The following ALCAM variants were observed in gnomAD, a reference collection of about 807,000 sequenced individuals.
The protein encoded by ALCAM is CD166 antigen.
ALCAM carries 30 observed loss-of-function variants against 70.9 expected under a neutral mutation model. The observed-to-expected ratio is 0.42, with a 90% CI of 0.32 to 0.57. ALCAM has a LOEUF of 0.57. Among genes scored for constraint, ALCAM ranks in the 20% least tolerant of loss-of-function variants. The probability of loss-of-function intolerance (pLI) is 0.11; values close to 1 mark genes in which losing one functional copy is unlikely to be tolerated. For missense variants in ALCAM, 591 were observed against 695.1 expected (o/e 0.85, Z 1.68); for synonymous variants, 249 against 242.5 (o/e 1.03, Z -0.25).
At chr3:105,527,062 G>A (rs181988944) in intron 3 of ALCAM, among the ~76,000 whole-genome samples, 44 of 152,250 alleles carry the variant, frequency 2.9e-4, no homozygotes, top group Non-Finnish European at 5.7e-4. Context: ...TTCCTCATAT[G>A]CAAGAAATCA....
chr3:105,534,822 A>G lies in ALCAM; in HGVS notation c.707A>G (p.Glu236Gly). The change falls in exon 6 of 16, where the codon GAA becomes GGA. Residue 236 changes from glutamate to glycine, a missense_variant. Coordinates refer to ENST00000306107, the MANE Select transcript of ALCAM (RefSeq NM_001627.4). ...GPSGQKTIHS[E>G]QAVFDIYYPT... is the part of the protein sequence containing the mutation. ...TCTGGCCAGAAAACAATTCATTCTGAACAGGCAGTATTTGATATTTACTGT... is the reference window on the plus strand; with the variant it reads ...TCTGGCCAGAAAACAATTCATTCTGGACAGGCAGTATTTGATATTTACTGT... The G allele has an allele frequency of 6.2e-7, 1 of 1,613,264 alleles. No individual in the cohort carries two copies. Among genetic ancestry groups the G allele is most frequent in the Non-Finnish European group, 8.5e-7 (1 of 1,179,566 alleles).
At position 105,540,523 on chromosome 3, in the gene ALCAM, G is replaced by T. The variant is rs1357358066; in HGVS notation, c.858+421G>T. Reference sequence around the variant, plus strand: ...TAGTTCTGTTGCACGTTATATTTAGGATAATGCTATGGCTCTTTTTTGGTC... The same window carrying T: ...TAGTTCTGTTGCACGTTATATTTAGTATAATGCTATGGCTCTTTTTTGGTC... On this transcript the variant is annotated intron_variant, in intron 7 of 15. Coordinates refer to ENST00000306107, the MANE Select transcript of ALCAM (RefSeq NM_001627.4). Among the ~76,000 whole-genome samples, 4 of 151,926 alleles carry T rather than the reference G, an allele frequency of 2.6e-5. No individual in the cohort carries two copies. In the East Asian group the frequency reaches 7.7e-4, roughly 29 times the overall value.
intron 1 of ALCAM, among the ~76,000 whole-genome samples, chr3:105,413,193 C>T (rs1170799878): frequency 6.6e-6 from 1 of 152,098 alleles, no homozygotes; most frequent in Non-Finnish European, 1.5e-5. Context: ...TTATTTATCT[C>T]AGTGCCCTTG....
chr3:105,533,243 T>C (rs916565616), intron 4 of ALCAM, among the ~76,000 whole-genome samples: 19 of 152,150 alleles, frequency 1.2e-4, no homozygotes, highest in African/African-American at 4.1e-4. Flanking sequence ...CGTATGAAGA[T>C]CTATGATTCA....
At chr3:105,535,416 AT>A (rs1939946782) in intron 6 of ALCAM, among the ~76,000 whole-genome samples, 1 of 152,108 alleles carries the variant, frequency 6.6e-6, no homozygotes, top group African/African-American at 2.4e-5. Flanking sequence ...CTTTTTCTCC[AT>A]TGCTGTGCTT....
chr3:105,458,082 G>GA (rs5851458), intron 1 of ALCAM, among the ~76,000 whole-genome samples: 29,592 of 146,840 alleles, frequency 0.2, 3,087 homozygotes, highest in East Asian at 0.37. Context: ...CACTTCAGGG[G>GA]AAAAAAAAAA....
At chr3:105,461,044 T>A (rs1937596678) in intron 1 of ALCAM, among the ~76,000 whole-genome samples, 1 of 151,296 alleles carries the variant, frequency 6.6e-6, no homozygotes, top group African/African-American at 2.4e-5. Context: ...GTGGTGTGCG[T>A]TGGGGTGAAT....
At chr3:105,555,724 A>G (rs959825330) in intron 14 of ALCAM, among the ~76,000 whole-genome samples, 1 of 148,710 alleles carries the variant, frequency 6.7e-6, no homozygotes, top group Non-Finnish European at 1.5e-5. Flanking sequence ...TTCCACTAAT[A>G]GAAGCTAAAT....
In ALCAM at chr3:105,547,531, T is replaced by C. The variant is rs766029079; in HGVS notation, c.1374+8T>C. On this transcript the variant is annotated splice_region_variant and intron_variant, in intron 11 of 15. Coordinates refer to ENST00000306107, the MANE Select transcript of ALCAM (RefSeq NM_001627.4). ...GGAAGCGTCATAAACCAAGCAAGTATTTGTCTTCTTGTTATATGCTGCACT... is the reference window on the plus strand; with the variant it reads ...GGAAGCGTCATAAACCAAGCAAGTACTTGTCTTCTTGTTATATGCTGCACT... The C allele has an allele frequency of 6.2e-7, 1 of 1,605,470 alleles. No individual in the cohort carries two copies. Among genetic ancestry groups the C allele is most frequent in the Non-Finnish European group, 8.5e-7 (1 of 1,175,916 alleles).
chr3:105,441,860 A>G (rs1230236999), intron 1 of ALCAM, among the ~76,000 whole-genome samples: 1 of 152,238 alleles, frequency 6.6e-6, no homozygotes, highest in East Asian at 1.9e-4. Context: ...CCACTTAAAT[A>G]TCTAAGTGGA....
At chr3:105,469,779 C>T (rs1937868635) in intron 1 of ALCAM, among the ~76,000 whole-genome samples, 1 of 150,878 alleles carries the variant, frequency 6.6e-6, no homozygotes, top group Non-Finnish European at 1.5e-5. Flanking sequence ...CTTTTAATAT[C>T]CCTCAAATTT....
intron 1 of ALCAM, among the ~76,000 whole-genome samples, chr3:105,392,659 G>C (rs965263797): frequency 6.6e-6 from 1 of 151,618 alleles, no homozygotes; most frequent in Admixed American, 6.6e-5. Context: ...AATTCTTTCA[G>C]TTGTGATGTT....
At chr3:105,411,548 C>T (rs1245035907) in intron 1 of ALCAM, among the ~76,000 whole-genome samples, 1 of 152,056 alleles carries the variant, frequency 6.6e-6, no homozygotes, top group Non-Finnish European at 1.5e-5. Context: ...CTGTTCTAAC[C>T]TCTTTACACG....
intron 3 of ALCAM, among the ~76,000 whole-genome samples, chr3:105,530,300 C>T (rs941127744): frequency 6.6e-6 from 1 of 152,010 alleles, no homozygotes; most frequent in Non-Finnish European, 1.5e-5. Context: ...ATCAATAAAT[C>T]AGAGTTCCAA....
chr3:105,498,018 G>A (rs557685162), intron 1 of ALCAM, among the ~76,000 whole-genome samples: 3 of 147,948 alleles, frequency 2.0e-5, no homozygotes, highest in East Asian at 4.0e-4. Context: ...GCGACAGAGC[G>A]AGACTCTGCC....
intron 6 of ALCAM, among the ~76,000 whole-genome samples, chr3:105,537,775 T>C (rs190787725): frequency 6.6e-5 from 10 of 152,288 alleles, no homozygotes; most frequent in Non-Finnish European, 1.3e-4. Flanking sequence ...CTCTTAATTA[T>C]TAAGTTTGGT....
intron 1 of ALCAM, among the ~76,000 whole-genome samples, chr3:105,383,502 A>G (rs1207312414): frequency 6.6e-6 from 1 of 151,822 alleles, no homozygotes; most frequent in Non-Finnish European, 1.5e-5. Flanking sequence ...TTTAAACAAC[A>G]ACATATAATG....
At chr3:105,573,639 G>C (rs1412971590) in intron 15 of ALCAM, among the ~76,000 whole-genome samples, 2 of 152,170 alleles carry the variant, frequency 1.3e-5, no homozygotes, top group Non-Finnish European at 2.9e-5. Flanking sequence ...GCAATTTGAG[G>C]TTTTTCTTTT....
At chr3:105,506,482 A>T (rs998313671) in intron 1 of ALCAM, among the ~76,000 whole-genome samples, 2 of 152,204 alleles carry the variant, frequency 1.3e-5, no homozygotes, top group Admixed American at 6.5e-5. Flanking sequence ...TGTTTCAGTT[A>T]TAGATTCATA....
Sources: gnomAD v4.1 joint callset for allele counts (sites outside exome capture counted in the v4.1 genomes callset) on GRCh38, gnomAD v4.1.1 for gene constraint, MANE v1.5 for transcripts, NCBI Gene and HGNC (gene_info 2026-07-23, HGNC 2026-07-21) for gene names.